Variants in KIAA1549 observed in about 807,000 individuals in gnomAD.
KIAA1549 encodes the protein KIAA1549.
A neutral mutation model predicts 156.4 loss-of-function variants in KIAA1549; 70 were observed. That is an observed-to-expected ratio of 0.45 (90% confidence interval 0.37 to 0.55). The LOEUF (loss-of-function observed/expected upper bound fraction) is 0.55. KIAA1549 is among the 20% of genes least tolerant of loss of function. The pLI is 0.00. For synonymous variants in KIAA1549, 1,103 were observed against 1,066.4 expected (o/e 1.03, Z -0.67); for missense variants, 2,428 against 2,540.9 (o/e 0.96, Z 0.96).
At chr7:138,941,693 AT>A (rs1237855462) in intron 1 of KIAA1549, among the ~76,000 whole-genome samples, 8 of 152,150 alleles carry the variant, frequency 5.3e-5, no homozygotes, top group Non-Finnish European at 1.0e-4. Flanking sequence ...CCCTCTATTA[AT>A]AGCCAAGCCT....
intron 1 of KIAA1549, among the ~76,000 whole-genome samples, chr7:138,943,773 C>T (rs1204269485): frequency 4.6e-5 from 7 of 152,050 alleles, no homozygotes; most frequent in South Asian, 4.2e-4. Flanking sequence ...GGCGTGAACC[C>T]GGAAGGCAGA....
rs1427411087 is a variant in KIAA1549, at chr7:138,917,580, C to G, written c.2046G>C (p.Gln682His). The G allele has an allele frequency of 6.2e-7, 1 of 1,613,904 alleles. No individual in the cohort carries two copies. The highest frequency in any genetic ancestry group is 2.2e-5 in the East Asian group (1 of 44,874). ...LFDSSDLQSS[Q>H]LSLPSSTNLE... ...GATTTGTGGAACTGGGAAGAGACAG[C>G]TGAGATGACTGCAGATCACTAGAGT... Residue 682 changes from glutamine (Q) to histidine (H), a missense_variant, in exon 2 of 20, where the codon CAG (glutamine) becomes CAC (histidine). By Grantham distance (24) the Gln-to-His change is conservative. Coordinates refer to ENST00000422774, the MANE Select transcript of KIAA1549 (RefSeq NM_001164665.2).
intron 16 of KIAA1549, among the ~76,000 whole-genome samples, chr7:138,855,311 T>G (rs1197007307): frequency 1.3e-5 from 2 of 152,210 alleles, no homozygotes; most frequent in Non-Finnish European, 2.9e-5. Context: ...GCGTTGGACC[T>G]TCAGCAACTT....
chr7:138,867,887 C>T, intron 15 of KIAA1549, 88 bp downstream of exon 15: 1 of 1,398,352 alleles, frequency 7.2e-7, no homozygotes, highest in African/African-American at 1.4e-5. Flanking sequence ...GGGCGGCAGC[C>T]AGTGCTGCTG....
chr7:138,866,541 G>A (rs983600585), intron 15 of KIAA1549, among the ~76,000 whole-genome samples: 56 of 152,302 alleles, frequency 3.7e-4, no homozygotes, highest in African/African-American at 1.3e-3. Context: ...GGTGAAAGGG[G>A]CCTGCTGCAG....
Position 138,833,457 on chromosome 7 carries a change from C to T in KIAA1549, c.*4449G>A, listed in dbSNP as rs1563040220. The T allele has an allele frequency of 2.1e-5, 5 of 232,684 alleles. No homozygotes were observed. The highest frequency in any genetic ancestry group is 1.8e-4 in the East Asian group (3 of 16,492). The allele number at this position is 232,684 out of a possible 1,614,324, so 14.4% of individuals were successfully genotyped here. On this transcript the variant is annotated 3_prime_UTR_variant, in exon 20 of 20. Transcript: ENST00000422774. ...ACGGGAGACTCCTATAGCACAGAACCGCGTGCTGGCTTTAGCCCAAAGCCT... is the reference window on the plus strand; with the variant it reads ...ACGGGAGACTCCTATAGCACAGAACTGCGTGCTGGCTTTAGCCCAAAGCCT...
At chr7:138,910,819 C>G (rs893680323) in intron 4 of KIAA1549, among the ~76,000 whole-genome samples, 2 of 149,836 alleles carry the variant, frequency 1.3e-5, no homozygotes, top group Non-Finnish European at 3.0e-5. Flanking sequence ...TGCCTCAGCT[C>G]CCACCTGGTG....
chr7:138,918,225 G>A lies in KIAA1549; in HGVS notation c.1401C>T (p.Val467=), dbSNP rs370500022. 4.5e-5 allele frequency: 72 copies of A among 1,613,866 alleles called. No individual in the cohort carries two copies. The highest frequency in any genetic ancestry group is 3.7e-4 in the African/African-American group (28 of 74,932). The part of the protein sequence containing the change: ...EESSISLMSS[V]VADFSEFEED... Reference sequence around the variant, plus strand: ...CCTCAAATTCAGAGAAGTCTGCTACGACGCTACTCATTAGAGAGATGCTGC... The same window carrying A: ...CCTCAAATTCAGAGAAGTCTGCTACAACGCTACTCATTAGAGAGATGCTGC... Residue 467 remains valine, a synonymous_variant, in exon 2 of 20, where the codon GTC becomes GTT. Transcript: ENST00000422774. This position sits in a 1 kb window ranked among gnomAD's most constrained non-coding sequence, Gnocchi z 4.2.
Position 138,833,989 on chromosome 7 carries a change from A to T in KIAA1549, c.*3917T>A, listed in dbSNP as rs1309396126. On this transcript the variant is annotated 3_prime_UTR_variant, in exon 20 of 20. Coordinates refer to ENST00000422774, the MANE Select transcript of KIAA1549 (RefSeq NM_001164665.2). ...TCAAGTTCATTTCAGTGACAGCTTC[A>T]CTCCTTCCCTACAGCCTTTCCCAGG... 4.3e-6 allele frequency: 1 copy of T among 230,224 alleles called. No homozygotes were observed. Among genetic ancestry groups the T allele is most frequent in the African/African-American group, 2.2e-5 (1 of 45,020 alleles). 14.3% of individuals were successfully genotyped at this position (230,224 alleles called of 1,614,324 possible).
chr7:138,912,554 G>A (rs1219392287), intron 2 of KIAA1549, 94 bp from the exon 3 acceptor site: 2 of 991,564 alleles, frequency 2.0e-6, no homozygotes, highest in East Asian at 2.4e-5. Context: ...GCCAAAATGT[G>A]TTAGCAGTTC....
At chr7:138,882,389 G>A (rs2130409071) in intron 10 of KIAA1549, among the ~76,000 whole-genome samples, 1 of 152,364 alleles carries the variant, frequency 6.6e-6, no homozygotes, top group South Asian at 2.1e-4. Context: ...AAGGGAAAGA[G>A]GCGAGTCATA....
intron 16 of KIAA1549, among the ~76,000 whole-genome samples, chr7:138,853,404 C>T (rs1422535664): frequency 6.6e-6 from 1 of 152,182 alleles, no homozygotes; most frequent in Non-Finnish European, 1.5e-5. Context: ...GTCTTTTGGA[C>T]TCCAAAGACC....
At chr7:138,924,709 C>A (rs1054690235) in intron 1 of KIAA1549, among the ~76,000 whole-genome samples, 1 of 152,106 alleles carries the variant, frequency 6.6e-6, no homozygotes, top group Non-Finnish European at 1.5e-5. Context: ...AAAGCGGCTG[C>A]AGTGCCAAAG....
In KIAA1549 at chr7:138,868,136, G is replaced by GA; in HGVS notation, c.4776-9dup. ...GAACGTTTTATCCGTGAGCTGCCAG[G>GA]AAAAAGAGAAATTATCTTCGTAGGA... On this transcript the variant is annotated splice_polypyrimidine_tract_variant and intron_variant, in intron 14 of 19. Transcript: ENST00000422774. The GA allele has an allele frequency of 6.2e-7, 1 of 1,610,588 alleles. No homozygotes were observed. The highest frequency in any genetic ancestry group is 8.5e-7 in the Non-Finnish European group (1 of 1,178,748).
rs200471820 is a variant in KIAA1549, at chr7:138,835,184, TAGGG to T, written c.*2718_*2721del. On this transcript the variant is annotated 3_prime_UTR_variant, in exon 20 of 20. Transcript: ENST00000422774. ...CGTGAACTTAATGTCTGAAGACCGC[TAGGG>T]TACGGTGCTGCTCACACAGCTAGTT... 3,276 of 217,800 alleles carry T rather than the reference TAGGG, an allele frequency of 0.015. 114 individuals carry two copies. The highest frequency in any genetic ancestry group is 0.069 in the African/African-American group (3,066 of 44,522). The allele number at this position is 217,800 out of a possible 1,614,324, so 13.5% of individuals were successfully genotyped here. A position where few individuals can be genotyped will look rare whatever the true frequency, so the allele number is the denominator to read the frequency against.
chr7:138,877,216 G>A (rs529264625), intron 12 of KIAA1549, among the ~76,000 whole-genome samples: 5 of 151,622 alleles, frequency 3.3e-5, no homozygotes, highest in East Asian at 3.9e-4. Context: ...AAAACAGGCC[G>A]AACATGGTGG....
intron 10 of KIAA1549, among the ~76,000 whole-genome samples, chr7:138,891,400 C>T (rs375018879): frequency 1.6e-4 from 24 of 152,212 alleles, no homozygotes; most frequent in African/African-American, 5.1e-4. Context: ...CAGCCAATGC[C>T]ATTCATGATG....
At chr7:138,861,553 T>A in intron 15 of KIAA1549, 97 bp from the exon 16 acceptor site, 1 of 1,027,270 alleles carries the variant, frequency 9.7e-7, no homozygotes, top group South Asian at 1.4e-5. Context: ...ATCATAAGAA[T>A]TAAAAAATGA....
intron 1 of KIAA1549, among the ~76,000 whole-genome samples, chr7:138,978,172 A>G (rs1412724916): frequency 6.6e-6 from 1 of 152,246 alleles, no homozygotes; most frequent in African/African-American, 2.4e-5. Flanking sequence ...AATTGTGCAT[A>G]TAATTCTTTT....
Sources: gnomAD v4.1 joint callset for allele counts (sites outside exome capture counted in the v4.1 genomes callset) on GRCh38, gnomAD v4.1.1 for gene constraint, Gnocchi (gnomAD v3.1) non-coding constraint, MANE v1.5 for transcripts, NCBI Gene and HGNC (gene_info 2026-07-23, HGNC 2026-07-21) for gene names.